Variants in ALS2 observed in about 807,000 individuals in gnomAD.
The protein encoded by ALS2 is alsin.
In ALS2, 117 loss-of-function variants were observed where a neutral mutation model predicts 203.4. The ratio of observed to expected loss-of-function variants is 0.58; its 90% CI spans 0.50 to 0.67. The LOEUF (loss-of-function observed/expected upper bound fraction) is 0.67, where lower values mean the gene tolerates loss of function less well. Among genes scored for constraint, ALS2 ranks in the 30% least tolerant of loss-of-function variants. The probability of loss-of-function intolerance (pLI) is 0.00; values close to 1 mark genes in which losing one functional copy is unlikely to be tolerated. For synonymous variants in ALS2, 718 were observed against 725.9 expected (o/e 0.99, Z 0.17); for missense variants, 1,715 against 1,989.4 (o/e 0.86, Z 2.62).
Position 201,761,321 on chromosome 2 carries a change from G to C in ALS2, c.673C>G (p.Leu225Val), listed in dbSNP as rs1364238823. 1.2e-6 allele frequency: 2 copies of C among 1,614,148 alleles called. No individual in the cohort carries two copies. Among genetic ancestry groups the C allele is most frequent in the Non-Finnish European group, 1.7e-6 (2 of 1,180,034 alleles). ...TTGCATCGTTCTGGGACTGGCTTCAGATCCTGGGAAGGGAGGCATTGTACA... is the reference window on the plus strand; with the variant it reads ...TTGCATCGTTCTGGGACTGGCTTCACATCCTGGGAAGGGAGGCATTGTACA... ...ALVQCLPSQD[L>V]KPVPERCNQC... The change falls in exon 4 of 34, where the codon CTG becomes GTG. Residue 225 changes from leucine (L) to valine (V), a missense_variant. By Grantham distance (32) the Leu-to-Val change is conservative (BLOSUM62 1). Around this residue, in one of 3 missense-constraint regions of ALS2, gnomAD observed 476 missense variants for 539.3 expected, o/e 0.88. Coordinates refer to ENST00000264276, the MANE Select transcript of ALS2 (RefSeq NM_020919.4).
chr2:201,727,242 G>A lies in ALS2; in HGVS notation c.2949C>T (p.Phe983=). The A allele has an allele frequency of 6.2e-7, 1 of 1,613,596 alleles. No homozygotes were observed. Residue 983 remains phenylalanine, a synonymous_variant, in exon 17 of 34, where the codon TTC becomes TTT. Transcript: ENST00000264276. ...GLKITTPEEQ[F]TLISSTPQEK... Reference sequence around the variant, plus strand: ...CCTGGGGTGTAGATGAAATGAGAGTGAACTGCTCCTCAGGTGTAGTTATCT... The same window carrying A: ...CCTGGGGTGTAGATGAAATGAGAGTAAACTGCTCCTCAGGTGTAGTTATCT...
intron 9 of ALS2, among the ~76,000 whole-genome samples, chr2:201,745,439 C>T (rs925381685): frequency 6.6e-6 from 1 of 152,022 alleles, no homozygotes; most frequent in Non-Finnish European, 1.5e-5. Context: ...AAAAAAAGCC[C>T]ATATGCTATT....
chr2:201,767,464 A>T (rs1694148861), intron 2 of ALS2, 81 bp from the exon 3 acceptor site: 1 of 1,487,410 alleles, frequency 6.7e-7, no homozygotes, highest in South Asian at 1.2e-5. Context: ...TCATGATTGT[A>T]CCTTTTACCA....
Position 201,740,125 on chromosome 2 carries a change from G to C in ALS2, c.2352-1390C>G, listed in dbSNP as rs1692173293. Among the ~76,000 whole-genome samples, 3 of 151,832 alleles carry C rather than the reference G, an allele frequency of 2.0e-5. No individual in the cohort carries two copies. In the South Asian group the frequency reaches 6.2e-4, roughly 32 times the overall value. The stretch of plus-strand genomic sequence containing the variant: ...GGATAACTTATGCCCAGGAGTTTGA[G>C]ACCAGCCTGGGCAACATAGTGAGAC... On this transcript the variant is annotated intron_variant, in intron 11 of 33. Transcript: ENST00000264276.
intron 1 of ALS2, among the ~76,000 whole-genome samples, chr2:201,769,521 A>G (rs1001634189): frequency 6.6e-6 from 1 of 152,196 alleles, no homozygotes; most frequent in African/African-American, 2.4e-5. Flanking sequence ...TCATAACCCA[A>G]ACGGTTGAAA....
intron 1 of ALS2, among the ~76,000 whole-genome samples, chr2:201,776,721 G>C (rs1431197068): frequency 6.6e-6 from 1 of 152,074 alleles, no homozygotes; most frequent in Non-Finnish European, 1.5e-5. Context: ...TTCACCAACT[G>C]ATAACAGTGC....
At position 201,761,519 on chromosome 2, in the gene ALS2, C is replaced by T. The variant is rs3219155; in HGVS notation, c.475G>A (p.Glu159Lys). Residue 159 changes from glutamate to lysine, a missense_variant, in exon 4 of 34, where the codon GAG becomes AAG. Physicochemically the swap from Glu to Lys is moderately conservative, Grantham distance 56 (BLOSUM62 1). Around this residue, in one of 3 missense-constraint regions of ALS2, gnomAD observed 476 missense variants for 539.3 expected, o/e 0.88. Transcript: ENST00000264276. ...AVRILQLACGEEHTLALSISR... is the reference protein window; with the variant it reads ...AVRILQLACGKEHTLALSISR... ...ATTGACAATGCCAGAGTGTGCTCCT[C>T]GCCACACGCCAACTGTAAAATCCTG... is the stretch of plus-strand genomic sequence containing the variant. 3,723 of 1,613,970 alleles carry T rather than the reference C, an allele frequency of 2.3e-3. 126 individuals are homozygous for T. In the Admixed American group the frequency reaches 0.052, roughly 22 times the overall value.
chr2:201,771,378 G>C (rs371375831), intron 1 of ALS2, among the ~76,000 whole-genome samples: 1 of 151,972 alleles, frequency 6.6e-6, no homozygotes, highest in Admixed American at 6.6e-5. Context: ...TTGTTTTAAT[G>C]GTGTTTAATA....
intron 6 of ALS2, 110 bp downstream of exon 6, chr2:201,754,393 C>A: frequency 7.5e-7 from 1 of 1,335,082 alleles, no homozygotes; most frequent in Non-Finnish European, 1.1e-6. Context: ...TAATCTGAAG[C>A]TAGAAGAGCC....
chr2:201,770,944 T>G (rs1694346798), intron 1 of ALS2, among the ~76,000 whole-genome samples: 1 of 152,230 alleles, frequency 6.6e-6, no homozygotes, highest in Non-Finnish European at 1.5e-5. Flanking sequence ...TATTTATTTG[T>G]GTTATTTTAA....
intron 3 of ALS2, chr2:201,765,317 T>C (rs1320499311): frequency 2.0e-5 from 3 of 153,092 alleles, no homozygotes; most frequent in African/African-American, 7.3e-5. Flanking sequence ...CATAGGCAAT[T>C]GTGCCCAGCC....
In ALS2 at chr2:201,780,687, G is replaced by T. The variant is rs1237816815; in HGVS notation, c.-61+190C>A. On this transcript the variant is annotated intron_variant, in intron 1 of 33. Transcript: ENST00000264276. ...GGCCGCCTCGGGCGCTGCTGGACCG[G>T]CAGGAGCAGTCGATCGCACCCAGAG... Among the ~76,000 whole-genome samples the T allele has an allele frequency of 2.0e-5, 3 of 152,360 alleles. No individual in the cohort carries two copies. The East Asian group carries it at 5.8e-4, about 29-fold the overall frequency.
chr2:201,722,282 A>G (rs1204254941), intron 23 of ALS2: 1 of 152,230 alleles, frequency 6.6e-6, no homozygotes, highest in African/African-American at 2.4e-5. Context: ...AAACCAGGAG[A>G]TACCACTTCA....
chr2:201,710,395 G>A (rs1301707545), intron 26 of ALS2, among the ~76,000 whole-genome samples: 1 of 149,764 alleles, frequency 6.7e-6, no homozygotes, highest in Non-Finnish European at 1.5e-5. Flanking sequence ...TCAGGAGTTT[G>A]AGGCCAGCCT....
chr2:201,741,955 G>A (rs1480048862), intron 10 of ALS2, 101 bp from the exon 11 acceptor site: 1 of 1,085,048 alleles, frequency 9.2e-7, no homozygotes, highest in Non-Finnish European at 1.4e-6. Flanking sequence ...TACTTAACCT[G>A]TTGCCATGTG....
rs1438865880 is a variant in ALS2 at position 201,723,373 on chromosome 2, A to G, written c.3581T>C (p.Phe1194Ser). 6.2e-7 allele frequency: 1 copy of G among 1,614,028 alleles called. No individual in the cohort carries two copies. The highest frequency in any genetic ancestry group is 8.5e-7 in the Non-Finnish European group (1 of 1,179,994). ...CQGNGVVVTQFGLYYEGNFHL... is the reference protein window; with the variant it reads ...CQGNGVVVTQSGLYYEGNFHL... ...AAAGTTGCCCTCGTAGTATAATCCA[A>G]ACTGGGTAACCACCACACCATTCCC... is the stretch of plus-strand genomic sequence containing the variant. The change falls in exon 22 of 34, where the codon TTT becomes TCT. Residue 1194 changes from phenylalanine (F) to serine (S), a missense_variant. This residue lies in a region of ALS2 where 1,227 missense variants were observed against 1,413.5 expected (regional missense o/e 0.87). Coordinates refer to ENST00000264276, the MANE Select transcript of ALS2 (RefSeq NM_020919.4).
At chr2:201,772,773 G>A (rs933609632) in intron 1 of ALS2, among the ~76,000 whole-genome samples, 1 of 150,430 alleles carries the variant, frequency 6.6e-6, no homozygotes, top group Non-Finnish European at 1.5e-5. Flanking sequence ...TATGTACTTT[G>A]AACATTTACT....
intron 25 of ALS2, 140 bp from the exon 26 acceptor site, chr2:201,711,248 T>C: frequency 1.6e-6 from 1 of 638,824 alleles, no homozygotes. Context: ...AACTCAGAAA[T>C]CATCACGATC....
At chr2:201,710,106 A>T in intron 26 of ALS2, 68 bp from the exon 27 acceptor site, 1 of 1,542,252 alleles carries the variant, frequency 6.5e-7, no homozygotes, top group Non-Finnish European at 8.9e-7. Context: ...CATCAACAAG[A>T]AACAACTTCA....
Sources: allele counts gnomAD v4.1 joint callset (sites outside exome capture counted in the v4.1 genomes callset), GRCh38; gene constraint gnomAD v4.1.1; regional missense constraint gnomAD v4.1.1; transcripts MANE v1.5; gene names NCBI Gene and HGNC (gene_info 2026-07-23, HGNC 2026-07-21).